CFH: variants seen among roughly 807,000 people sequenced by gnomAD.
The protein encoded by CFH is complement factor H, also known as H factor 1 (complement).
CFH carries 53 observed loss-of-function variants against 147.3 expected under a neutral mutation model. That is an observed-to-expected ratio of 0.36 (90% confidence interval 0.29 to 0.45). CFH has a LOEUF of 0.45. Ranked by LOEUF, CFH falls within the 20% of genes least tolerant of loss-of-function variation. The pLI, the probability that CFH is intolerant of heterozygous loss-of-function variation, is 1.00. For synonymous variants in CFH, 536 were observed against 489.4 expected (o/e 1.10, Z -1.26); for missense variants, 1,380 against 1,498.0 (o/e 0.92, Z 1.30).
At chr1:196,696,662 T>G (rs1447481665) in intron 9 of CFH, among the ~76,000 whole-genome samples, 1 of 152,112 alleles carries the variant, frequency 6.6e-6, no homozygotes, top group Non-Finnish European at 1.5e-5. Context: ...TACTTTAAAG[T>G]TTATATGGAA....
chr1:196,656,778 T>G (rs1666709682), intron 1 of CFH, among the ~76,000 whole-genome samples: 1 of 151,500 alleles, frequency 6.6e-6, no homozygotes. Flanking sequence ...ATAACTGGCA[T>G]TAGAAATTAG....
chr1:196,665,506 C>T (rs1667051468), intron 1 of CFH, among the ~76,000 whole-genome samples: 1 of 151,866 alleles, frequency 6.6e-6, no homozygotes, highest in African/African-American at 2.4e-5. Context: ...TTAAACCTAA[C>T]TCTTTAGTCT....
intron 9 of CFH, among the ~76,000 whole-genome samples, chr1:196,712,299 A>T (rs1486104188): frequency 1.3e-5 from 2 of 151,126 alleles, no homozygotes; most frequent in East Asian, 1.9e-4. Flanking sequence ...GTTTCTTCTC[A>T]TATTTGGATT....
In CFH at chr1:196,703,339, T is replaced by C. The variant is rs1226992459; in HGVS notation, c.1337-10396T>C. 2.6e-5 allele frequency among the ~76,000 whole-genome samples: 4 copies of C among 152,154 alleles called. No homozygotes were observed. In the East Asian group the frequency reaches 7.8e-4, roughly 29 times the overall value. ...GGGACACTGAGTGGAAAATTTCTCA[T>C]GCCCTACAAAGCCTGATGTTAAACA... On this transcript the variant is annotated intron_variant, in intron 9 of 21. Transcript: ENST00000367429.
At chr1:196,671,713 T>C (rs985346184) in intron 1 of CFH, among the ~76,000 whole-genome samples, 1 of 149,396 alleles carries the variant, frequency 6.7e-6, no homozygotes, top group Non-Finnish European at 1.5e-5. Flanking sequence ...TATTAGACTT[T>C]TGAGATAGAA....
intron 1 of CFH, among the ~76,000 whole-genome samples, chr1:196,667,038 C>A (rs1173363279): frequency 6.6e-6 from 1 of 151,894 alleles, no homozygotes; most frequent in Non-Finnish European, 1.5e-5. Context: ...TCTTGTATAT[C>A]CTTATTTTTC....
rs184108209 is a variant in CFH, at chr1:196,704,644, G to C, written c.1337-9091G>C. Among the ~76,000 whole-genome samples, 98 of 152,310 alleles carry C rather than the reference G, an allele frequency of 6.4e-4. 1 individual carries two copies. The highest frequency in any genetic ancestry group is 2.1e-3 in the South Asian group (10 of 4,824). On this transcript the variant is annotated intron_variant, in intron 9 of 21. Transcript: ENST00000367429. ...CCAGTACAAGTCAAGTTTTGTGCAG[G>C]AGTGGCGCTGCCAAATCTAAAGCAG...
rs770185390 is a variant in CFH at position 196,736,875 on chromosome 1, A to G, written c.2465A>G (p.Asn822Ser). 2 of 1,596,728 alleles carry G rather than the reference A, an allele frequency of 1.3e-6. No homozygotes were observed. The highest frequency in any genetic ancestry group is 1.3e-5 in the African/African-American group (1 of 74,412). ...PPPPQIPNSH[N>S]MTTTLNYRDG... ...CCACCTCAGATTCCCAATTCTCACA[A>G]TATGACAACCACACTGAATTATCGG... is the stretch of plus-strand genomic sequence containing the variant. Residue 822 changes from asparagine to serine, a missense_variant, in exon 16 of 22, where the codon AAT becomes AGT. Around this residue, in one of 4 missense-constraint regions of CFH, gnomAD observed 830 missense variants for 821.4 expected, o/e 1.01. Coordinates refer to ENST00000367429, the MANE Select transcript of CFH (RefSeq NM_000186.4).
chr1:196,704,221 AGT>A (rs1668531379), intron 9 of CFH, among the ~76,000 whole-genome samples: 1 of 151,932 alleles, frequency 6.6e-6, no homozygotes, highest in Non-Finnish European at 1.5e-5. Context: ...CAGCCTCCCG[AGT>A]AGCTGGGATT....
chr1:196,687,670 T>C (rs1223685563), intron 7 of CFH, among the ~76,000 whole-genome samples: 2 of 152,118 alleles, frequency 1.3e-5, no homozygotes, highest in Non-Finnish European at 2.9e-5. Flanking sequence ...TGCAGAATTA[T>C]TGTTAAATAA....
At chr1:196,725,053 C>A in intron 11 of CFH, 68 bp from the exon 12 acceptor site, 1 of 1,329,806 alleles carries the variant, frequency 7.5e-7, no homozygotes, top group Non-Finnish European at 1.1e-6. Context: ...TTTATTGTGG[C>A]ATATGTAAAA....
At chr1:196,701,628 G>A (rs1429960953) in intron 9 of CFH, 2 of 382,662 alleles carry the variant, frequency 5.2e-6, no homozygotes, top group South Asian at 3.2e-5. Context: ...TGACAATCTC[G>A]TAACTATTTG....
Position 196,713,840 on chromosome 1 carries a change from A to G in CFH, c.1442A>G (p.Tyr481Cys), listed in dbSNP as rs770399520. The part of the protein sequence containing the change: ...EKAKYQCKLG[Y>C]VTADGETSGS... ...GCGAAATATCAATGCAAACTAGGAT[A>G]TGTAACAGCAGATGGTGAAACATCA... Residue 481 changes from tyrosine to cysteine, a missense_variant, in exon 10 of 22, where the codon TAT (tyrosine) becomes TGT (cysteine). By Grantham distance (194) the Tyr-to-Cys change is radical (BLOSUM62 -2). Transcript: ENST00000367429. The G allele has an allele frequency of 6.2e-7, 1 of 1,612,836 alleles. No homozygotes were observed. The highest frequency in any genetic ancestry group is 8.5e-7 in the Non-Finnish European group (1 of 1,179,198).
chr1:196,694,246 A>C (rs2149092076), intron 9 of CFH, among the ~76,000 whole-genome samples: 1 of 152,080 alleles, frequency 6.6e-6, no homozygotes. Flanking sequence ...ATGAGTGAGA[A>C]TATGTGGTGT....
intron 9 of CFH, among the ~76,000 whole-genome samples, chr1:196,709,503 C>T (rs1057288665): frequency 1.3e-5 from 2 of 152,034 alleles, no homozygotes; most frequent in African/African-American, 4.8e-5. Flanking sequence ...TTTTACACCT[C>T]AGAATTGAGA....
At chr1:196,659,608 G>A (rs1257011959) in intron 1 of CFH, among the ~76,000 whole-genome samples, 1 of 152,176 alleles carries the variant, frequency 6.6e-6, no homozygotes, top group Non-Finnish European at 1.5e-5. Flanking sequence ...TTAAGAGGTA[G>A]TTAATGCTGA....
At chr1:196,702,288 T>C (rs981952805) in intron 9 of CFH, among the ~76,000 whole-genome samples, 7 of 151,942 alleles carry the variant, frequency 4.6e-5, no homozygotes, top group Admixed American at 4.6e-4. Flanking sequence ...GGACTCCATT[T>C]AGGCAGGGTG....
intron 1 of CFH, among the ~76,000 whole-genome samples, chr1:196,666,238 A>C (rs144034883): frequency 1.9e-4 from 29 of 152,286 alleles, no homozygotes; most frequent in African/African-American, 6.0e-4. Context: ...AGGGTGATTT[A>C]TGTGATCATC....
chr1:196,652,774 C>A (rs942048346), intron 1 of CFH, among the ~76,000 whole-genome samples: 5 of 151,514 alleles, frequency 3.3e-5, no homozygotes, highest in Non-Finnish European at 3.0e-5. Flanking sequence ...GATTTTTTTC[C>A]TGTAGTTGTA....
Sources: allele counts gnomAD v4.1 joint callset (sites outside exome capture counted in the v4.1 genomes callset), GRCh38; gene constraint gnomAD v4.1.1; regional missense constraint gnomAD v4.1.1; transcripts MANE v1.5; gene names NCBI Gene and HGNC (gene_info 2026-07-23, HGNC 2026-07-21).